GLRA2: variants seen among roughly 807,000 people sequenced by gnomAD.
GLRA2 encodes the protein glycine receptor subunit alpha-2.
A neutral mutation model predicts 31.6 loss-of-function variants in GLRA2; 11 were observed. That is an observed-to-expected ratio of 0.35 (90% CI 0.22 to 0.58). The LOEUF (loss-of-function observed/expected upper bound fraction) is 0.58, where lower values mean the gene tolerates loss of function less well. GLRA2 is among the 20% of genes least tolerant of loss of function. GLRA2 has a pLI of 0.84. For synonymous variants in GLRA2, 132 were observed against 134.0 expected (o/e 0.99, Z 0.10); for missense variants, 212 against 351.8 (o/e 0.60, Z 3.18).
the GLRA2 span, among the ~76,000 whole-genome samples, chrX:14,464,438 A>G: frequency 8.9e-6 from 1 of 112,208 alleles, no homozygotes; most frequent in Admixed American, 9.4e-5. Context: ...TGAAGAGATT[A>G]TCCTTTCCCC....
At chrX:14,548,659 G>A (rs994563453) in intron 2 of GLRA2, among the ~76,000 whole-genome samples, 1 of 111,697 alleles carries the variant, frequency 9.0e-6, no homozygotes, top group Admixed American at 9.5e-5. Context: ...GAACATGGAT[G>A]GATAGTGACA....
chrX:14,590,248 T>C (rs550730111), intron 4 of GLRA2, among the ~76,000 whole-genome samples: 2 of 111,420 alleles, frequency 1.8e-5, no homozygotes, highest in South Asian at 7.8e-4. Flanking sequence ...TGAGTTGTAA[T>C]AGAGAACTCT....
chrX:14,629,201 G>A (rs1375218714), intron 7 of GLRA2, among the ~76,000 whole-genome samples: 1 of 111,369 alleles, frequency 9.0e-6, no homozygotes, highest in Non-Finnish European at 1.9e-5. Flanking sequence ...AGGGTTGGAA[G>A]GAATTGGGGC....
At chrX:14,570,221 TTAAA>T (rs1199547597) in intron 2 of GLRA2, among the ~76,000 whole-genome samples, 2 of 111,972 alleles carry the variant, frequency 1.8e-5, no homozygotes, top group Admixed American at 9.5e-5. Context: ...TGAATATAGT[TTAAA>T]TATATATTTA....
chrX:14,469,322 C>T, the GLRA2 span, among the ~76,000 whole-genome samples: 1 of 110,910 alleles, frequency 9.0e-6, no homozygotes, highest in East Asian at 2.8e-4. Context: ...GTCTTTAATC[C>T]ATCTTGAATT....
At chrX:14,642,267 G>A (rs754055057) in intron 7 of GLRA2, among the ~76,000 whole-genome samples, 2 of 111,810 alleles carry the variant, frequency 1.8e-5, no homozygotes, top group Non-Finnish European at 3.8e-5. Flanking sequence ...TGGGCTGGGT[G>A]CCTGGCAGTT....
chrX:14,640,891 G>A (rs2090765417), intron 7 of GLRA2, among the ~76,000 whole-genome samples: 2 of 110,947 alleles, frequency 1.8e-5, no homozygotes, highest in South Asian at 7.6e-4. Context: ...ATATATAGGA[G>A]TAGAGTTGCT....
chrX:14,588,232 A>G (rs2090103551), intron 4 of GLRA2, among the ~76,000 whole-genome samples: 1 of 111,958 alleles, frequency 8.9e-6, no homozygotes, highest in Non-Finnish European at 1.9e-5. Flanking sequence ...GTTTGAGGCC[A>G]TACACTTAAA....
chrX:14,700,980 AAAG>A (rs763117104), intron 8 of GLRA2, among the ~76,000 whole-genome samples: 1 of 110,065 alleles, frequency 9.1e-6, no homozygotes, highest in South Asian at 4.0e-4. Flanking sequence ...CTGGGAGACA[AAAG>A]AAGGAATAAG....
At chrX:14,459,344 T>A in the GLRA2 span, among the ~76,000 whole-genome samples, 1 of 111,515 alleles carries the variant, frequency 9.0e-6, no homozygotes, top group East Asian at 2.8e-4. Context: ...TAGGATTGAC[T>A]TGGCAATGAG....
At chrX:14,575,741 A>G (rs1053631740) in intron 3 of GLRA2, among the ~76,000 whole-genome samples, 2 of 111,555 alleles carry the variant, frequency 1.8e-5, no homozygotes, top group Non-Finnish European at 3.8e-5. Flanking sequence ...CATTAAAGGC[A>G]TTAACTACTA....
the GLRA2 span, among the ~76,000 whole-genome samples, chrX:14,502,332 A>G: frequency 8.9e-6 from 1 of 112,429 alleles, no homozygotes; most frequent in Non-Finnish European, 1.9e-5. Flanking sequence ...TTAGCACTCC[A>G]TAAAGGTTAA....
chrX:14,613,437 A>C (rs2090421887), intron 7 of GLRA2, among the ~76,000 whole-genome samples: 1 of 111,810 alleles, frequency 8.9e-6, no homozygotes. Flanking sequence ...CTGCAGATTC[A>C]ACAAACCATG....
intron 7 of GLRA2, among the ~76,000 whole-genome samples, chrX:14,643,720 T>C (rs942895971): frequency 9.0e-6 from 1 of 111,656 alleles, no homozygotes; most frequent in African/African-American, 3.3e-5. Flanking sequence ...TGCTTCCCCA[T>C]TCCTGTAACA....
chrX:14,560,338 T>C (rs2089710686), intron 2 of GLRA2, among the ~76,000 whole-genome samples: 1 of 111,958 alleles, frequency 8.9e-6, no homozygotes, highest in Admixed American at 9.4e-5. Context: ...TAATATCATT[T>C]CCATCTTGGA....
rs184092416 is a variant in GLRA2, at chrX:14,700,326, G to A, written c.1080+9467G>A. On this transcript the variant is annotated intron_variant, in intron 8 of 8. Coordinates refer to ENST00000218075, the MANE Select transcript of GLRA2 (RefSeq NM_002063.4). ...AGAAAGAGCAGGAAGGGGCAGGGAC[G>A]GAGCAGGAAGAGGGAATGGAAGGGG... 1.8e-4 allele frequency among the ~76,000 whole-genome samples: 20 copies of A among 110,701 alleles called. No homozygotes were observed. In the East Asian group the frequency reaches 4.0e-3, roughly 22 times the overall value.
At chrX:14,682,389 AAAT>A (rs1295919363) in intron 7 of GLRA2, among the ~76,000 whole-genome samples, 2 of 111,435 alleles carry the variant, frequency 1.8e-5, no homozygotes, top group African/African-American at 6.5e-5. Flanking sequence ...GTGATCTTAA[AAAT>A]AATAATTAGA....
chrX:14,668,413 G>C (rs1222381114), intron 7 of GLRA2, among the ~76,000 whole-genome samples: 4 of 111,934 alleles, frequency 3.6e-5, no homozygotes, highest in Non-Finnish European at 7.5e-5. Context: ...CGAATCATTG[G>C]GGCCCATTTT....
At chrX:14,685,246 A>C (rs1467020026) in intron 7 of GLRA2, among the ~76,000 whole-genome samples, 44 of 111,311 alleles carry the variant, frequency 4.0e-4, no homozygotes, top group Admixed American at 1.6e-3. Flanking sequence ...TTTTGCATCG[A>C]TGTTCATCAG....
Sources: allele counts gnomAD v4.1 joint callset (sites outside exome capture counted in the v4.1 genomes callset), GRCh38; gene constraint gnomAD v4.1.1; transcripts MANE v1.5; gene names NCBI Gene and HGNC (gene_info 2026-07-23, HGNC 2026-07-21).